Variants in CEP112 observed in about 807,000 individuals in gnomAD.
The protein encoded by CEP112 is centrosomal protein of 112 kDa.
A neutral mutation model predicts 153.0 loss-of-function variants in CEP112; 127 were observed. The ratio of observed to expected loss-of-function variants is 0.83; its 90% CI spans 0.72 to 0.96. The LOEUF is 0.96. Ranked by LOEUF, CEP112 falls within the 40% of genes least tolerant of loss-of-function variation. CEP112 has a pLI of 0.00. For missense variants in CEP112, 1,089 were observed against 1,101.2 expected (o/e 0.99, Z 0.16); for synonymous variants, 358 against 374.4 (o/e 0.96, Z 0.51).
intron 24 of CEP112, among the ~76,000 whole-genome samples, chr17:65,673,700 G>A (rs1316068751): frequency 6.6e-6 from 1 of 152,076 alleles, no homozygotes; most frequent in Admixed American, 6.6e-5. Context: ...CATAATCTAG[G>A]TTAGAGAGTA....
chr17:66,153,234 G>T (rs569477533), intron 4 of CEP112, among the ~76,000 whole-genome samples: 1 of 152,164 alleles, frequency 6.6e-6, no homozygotes, highest in African/African-American at 2.4e-5. Flanking sequence ...AATTTGCAAT[G>T]AACTTCCAAA....
At chr17:65,944,634 G>C (rs990575955) in intron 18 of CEP112, among the ~76,000 whole-genome samples, 1 of 152,084 alleles carries the variant, frequency 6.6e-6, no homozygotes, top group Non-Finnish European at 1.5e-5. Context: ...GCTCAGGCTA[G>C]AGTGCAGTGC....
At chr17:65,756,201 C>T (rs1461378600) in intron 21 of CEP112, among the ~76,000 whole-genome samples, 3 of 151,838 alleles carry the variant, frequency 2.0e-5, no homozygotes, top group Non-Finnish European at 4.4e-5. Context: ...GTCAGGAGTT[C>T]GAGACCAGCC....
At chr17:66,046,411 G>T (rs1338904231) in intron 12 of CEP112, among the ~76,000 whole-genome samples, 3 of 152,104 alleles carry the variant, frequency 2.0e-5, no homozygotes, top group Non-Finnish European at 4.4e-5. Flanking sequence ...TACTAAAAAT[G>T]GGTCCCAAAT....
intron 19 of CEP112, chr17:65,913,762 G>A (rs978150580): frequency 5.1e-5 from 50 of 985,280 alleles, no homozygotes; most frequent in Non-Finnish European, 5.8e-5. Context: ...TGAAGCTCCC[G>A]AAGCTCATGA....
chr17:66,177,166 C>T (rs1598501083), intron 2 of CEP112, 146 bp from the exon 3 acceptor site: 1 of 590,502 alleles, frequency 1.7e-6, no homozygotes, highest in Non-Finnish European at 2.8e-6. Context: ...ATACTTTAGG[C>T]TTCACAGGCC....
intron 1 of CEP112, among the ~76,000 whole-genome samples, chr17:66,188,321 ACACACT>A (rs1316047799): frequency 7.2e-6 from 1 of 139,814 alleles, no homozygotes; most frequent in African/African-American, 2.7e-5. Context: ...ACACACACAC[ACACACT>A]TTGCCTAACT....
intron 21 of CEP112, among the ~76,000 whole-genome samples, chr17:65,776,135 G>A (rs973533533): frequency 6.6e-6 from 1 of 152,158 alleles, no homozygotes; most frequent in African/African-American, 2.4e-5. Context: ...GGCTTCGAAA[G>A]GACCTCCCAC....
At chr17:65,921,417 T>C (rs1189570855) in intron 19 of CEP112, among the ~76,000 whole-genome samples, 1 of 151,936 alleles carries the variant, frequency 6.6e-6, no homozygotes, top group African/African-American at 2.4e-5. Flanking sequence ...ACTGTTACAG[T>C]TAACAGAATA....
intron 24 of CEP112, among the ~76,000 whole-genome samples, chr17:65,676,828 G>A (rs374212946): frequency 5.3e-5 from 8 of 152,134 alleles, no homozygotes; most frequent in South Asian, 2.1e-4. Flanking sequence ...GGGATCATTC[G>A]GTTTAGTTTT....
At chr17:65,825,866 C>T (rs2056815836) in intron 21 of CEP112, among the ~76,000 whole-genome samples, 1 of 152,180 alleles carries the variant, frequency 6.6e-6, no homozygotes, top group Non-Finnish European at 1.5e-5. Flanking sequence ...CATTAGCTCA[C>T]AATCTACCTC....
chr17:65,699,118 T>C (rs937918004), intron 23 of CEP112, among the ~76,000 whole-genome samples: 7 of 152,246 alleles, frequency 4.6e-5, no homozygotes, highest in Non-Finnish European at 1.0e-4. Flanking sequence ...ATAACATATT[T>C]ATAGATCTCT....
At chr17:66,022,756 C>G (rs995225371) in intron 16 of CEP112, among the ~76,000 whole-genome samples, 1 of 143,162 alleles carries the variant, frequency 7.0e-6, no homozygotes, top group Non-Finnish European at 1.5e-5. Context: ...AGTAAAAATA[C>G]TGATTTTAAA....
At chr17:66,182,038 C>T (rs2072741845) in intron 2 of CEP112, 1 of 152,170 alleles carries the variant, frequency 6.6e-6, no homozygotes, top group Non-Finnish European at 1.5e-5. Flanking sequence ...ATATCATACT[C>T]CCTTCTCCTA....
At chr17:65,643,131 G>A (rs936794775) in intron 24 of CEP112, among the ~76,000 whole-genome samples, 1 of 152,060 alleles carries the variant, frequency 6.6e-6, no homozygotes, top group Non-Finnish European at 1.5e-5. Flanking sequence ...GAAAATGGAG[G>A]GGGCTGAAGG....
At chr17:66,041,929 G>A (rs2066000593) in intron 12 of CEP112, among the ~76,000 whole-genome samples, 1 of 152,176 alleles carries the variant, frequency 6.6e-6, no homozygotes, top group South Asian at 2.1e-4. Context: ...CTGCCAAACG[G>A]TAACTTCCTT....
intron 23 of CEP112, among the ~76,000 whole-genome samples, chr17:65,714,127 A>G (rs1487705220): frequency 1.3e-5 from 2 of 152,102 alleles, no homozygotes; most frequent in African/African-American, 4.8e-5. Context: ...ATGATTCCCA[A>G]GAGAATGTAT....
chr17:65,775,537 T>C (rs1014262934), intron 21 of CEP112, among the ~76,000 whole-genome samples: 1 of 152,192 alleles, frequency 6.6e-6, no homozygotes, highest in Non-Finnish European at 1.5e-5. Context: ...AGTCTCGCTA[T>C]GTCATCCAGG....
intron 19 of CEP112, among the ~76,000 whole-genome samples, chr17:65,911,996 C>T (rs949374475): frequency 1.3e-5 from 2 of 152,118 alleles, no homozygotes; most frequent in African/African-American, 2.4e-5. Flanking sequence ...GGTGGCAGTA[C>T]AAGACTCTTA....
Sources: allele counts gnomAD v4.1 joint callset (sites outside exome capture counted in the v4.1 genomes callset), GRCh38; gene constraint gnomAD v4.1.1; transcripts MANE v1.5; gene names NCBI Gene and HGNC (gene_info 2026-07-23, HGNC 2026-07-21).